Variants in CCDC83 observed in about 807,000 individuals in gnomAD.
The protein encoded by CCDC83 is coiled-coil domain-containing protein 83.
A neutral mutation model predicts 50.1 loss-of-function variants in CCDC83; 54 were observed. That is an observed-to-expected ratio of 1.08 (90% CI 0.87 to 1.35). The LOEUF is 1.35. Among genes scored for constraint, CCDC83 ranks in the 40% most tolerant of loss-of-function variants. The pLI is 0.00. For synonymous variants in CCDC83, 161 were observed against 153.3 expected, an observed-to-expected ratio of 1.05 and a Z score of -0.37; for missense variants, 518 against 473.9, an observed-to-expected ratio of 1.09 and a Z score of -0.86.
In CCDC83 at chr11:85,915,506, T is replaced by G; in HGVS notation, c.874+8T>G. On this transcript the variant is annotated splice_region_variant and intron_variant, in intron 9 of 10. Coordinates refer to ENST00000342404, the MANE Select transcript of CCDC83 (RefSeq NM_001286159.2). ...TGCCAGAAACACATATAGGTATTAC[T>G]TTATTGCAATAATGATGATGATTTT... 6.4e-7 allele frequency: 1 copy of G among 1,573,040 alleles called. No individual in the cohort carries two copies. The highest frequency in any genetic ancestry group is 8.7e-7 in the Non-Finnish European group (1 of 1,151,012).
chr11:85,866,519 C>A (rs945134304), intron 2 of CCDC83, among the ~76,000 whole-genome samples: 1 of 151,868 alleles, frequency 6.6e-6, no homozygotes, highest in Non-Finnish European at 1.5e-5. Flanking sequence ...CTCATCTTTA[C>A]AAAATAAAAA....
rs2093475866 is a variant in CCDC83 at position 85,916,071 on chromosome 11, C to T, written c.918C>T (p.Asp306=). The change falls in exon 10 of 11, where the codon GAC becomes GAT. Residue 306 remains aspartate (D), a synonymous_variant. Transcript: ENST00000342404. ...AACCCACAGAAGTAGAAAGTAGAGA[C>T]TTGATGTCCTCATCAGATGAGAGCA... is the stretch of plus-strand genomic sequence containing the variant. ...ELQPTEVESR[D]LMSSSDESTI... The T allele has an allele frequency of 6.2e-7, 1 of 1,613,132 alleles. No individual in the cohort carries two copies. Among genetic ancestry groups the T allele is most frequent in the African/African-American group, 1.3e-5 (1 of 75,006 alleles).
At chr11:85,912,226 T>C (rs2093457849) in intron 8 of CCDC83, among the ~76,000 whole-genome samples, 1 of 152,194 alleles carries the variant, frequency 6.6e-6, no homozygotes, top group Non-Finnish European at 1.5e-5. Context: ...GGAAAAACTT[T>C]CCACACAAGT....
chr11:85,898,382 G>C (rs2093385050), intron 6 of CCDC83, among the ~76,000 whole-genome samples: 1 of 152,062 alleles, frequency 6.6e-6, no homozygotes, highest in Non-Finnish European at 1.5e-5. Context: ...CTATGTAATT[G>C]AAAATAAATT....
chr11:85,865,748 C>T (rs1028555930), intron 2 of CCDC83, among the ~76,000 whole-genome samples: 27 of 152,084 alleles, frequency 1.8e-4, no homozygotes, highest in Non-Finnish European at 3.2e-4. Context: ...ATTAGTCGGG[C>T]ATGGTGGCGC....
At chr11:85,888,297 A>G (rs776900969) in intron 5 of CCDC83, among the ~76,000 whole-genome samples, 1 of 152,230 alleles carries the variant, frequency 6.6e-6, no homozygotes, top group Non-Finnish European at 1.5e-5. Flanking sequence ...ATCTTCAGCA[A>G]CAGGGGGTGG....
intron 6 of CCDC83, among the ~76,000 whole-genome samples, chr11:85,897,114 ATAGT>A (rs2093379341): frequency 6.6e-6 from 1 of 152,246 alleles, no homozygotes; most frequent in Non-Finnish European, 1.5e-5. Flanking sequence ...TAATCGGACC[ATAGT>A]TAGACGATTC....
At chr11:85,863,453 A>G (rs1178739538) in intron 1 of CCDC83, among the ~76,000 whole-genome samples, 1 of 152,226 alleles carries the variant, frequency 6.6e-6, no homozygotes, top group East Asian at 1.9e-4. Flanking sequence ...GTACTAATGT[A>G]TTAGATCTTT....
At chr11:85,891,993 C>G (rs531482665) in intron 5 of CCDC83, among the ~76,000 whole-genome samples, 18 of 152,166 alleles carry the variant, frequency 1.2e-4, no homozygotes, top group Admixed American at 2.0e-4. Flanking sequence ...AGTGTTTCTG[C>G]TAGCTCCTGT....
rs772485823 is a variant in CCDC83, at chr11:85,898,992, G to C, written c.649G>C (p.Glu217Gln). The C allele has an allele frequency of 3.7e-6, 6 of 1,611,614 alleles. No homozygotes were observed. The highest frequency in any genetic ancestry group is 1.7e-4 in the Middle Eastern group (1 of 6,038). ...IDKGSYLEIW[E>Q]NDWLKKEVAI... ...CAAGGGCAGTTATCTAGAGATCTGG[G>C]AGAATGACTGGCTCAAAAAAGAGGT... The change falls in exon 7 of 11, where the codon GAG becomes CAG. Residue 217 changes from glutamate (E) to glutamine (Q), a missense_variant. Coordinates refer to ENST00000342404, the MANE Select transcript of CCDC83 (RefSeq NM_001286159.2).
chr11:85,872,348 G>T (rs769855719), intron 2 of CCDC83, among the ~76,000 whole-genome samples: 1 of 152,146 alleles, frequency 6.6e-6, no homozygotes, highest in Non-Finnish European at 1.5e-5. Context: ...AGCCGGGTGT[G>T]GGGGCAGGCG....
At chr11:85,912,534 A>G in intron 8 of CCDC83, 1 of 705,062 alleles carries the variant, frequency 1.4e-6, no homozygotes, top group Non-Finnish European at 2.6e-6. Flanking sequence ...TTGATTACTG[A>G]ACTCCTGTAC....
At chr11:85,874,271 G>A (rs572248386) in intron 3 of CCDC83, among the ~76,000 whole-genome samples, 126 of 152,294 alleles carry the variant, frequency 8.3e-4, no homozygotes, top group Admixed American at 1.6e-3. Flanking sequence ...AGTTTGGCCT[G>A]GTGCCTGAAT....
chr11:85,879,987 CAT>C (rs2093290917), intron 3 of CCDC83, among the ~76,000 whole-genome samples: 2 of 152,190 alleles, frequency 1.3e-5, no homozygotes, highest in South Asian at 4.1e-4. Context: ...GTCTATACCA[CAT>C]AGTCTTGACT....
At chr11:85,875,921 T>C (rs1017746489) in intron 3 of CCDC83, among the ~76,000 whole-genome samples, 9 of 152,250 alleles carry the variant, frequency 5.9e-5, no homozygotes, top group African/African-American at 2.2e-4. Context: ...TCTACTTCCC[T>C]ACTCTCCATT....
At chr11:85,882,076 G>A (rs903119858) in intron 3 of CCDC83, among the ~76,000 whole-genome samples, 1 of 151,930 alleles carries the variant, frequency 6.6e-6, no homozygotes, top group Non-Finnish European at 1.5e-5. Flanking sequence ...CACTTTGAGA[G>A]GTCAAGGGAG....
At chr11:85,856,098 CCCTT>C (rs149062187) in intron 1 of CCDC83, among the ~76,000 whole-genome samples, 3,076 of 151,744 alleles carry the variant, frequency 0.02, 38 homozygotes, top group African/African-American at 0.034. Context: ...TTGCCTCACT[CCCTT>C]CCTTATCCCA....
intron 5 of CCDC83, among the ~76,000 whole-genome samples, chr11:85,889,214 G>A (rs2093340485): frequency 6.6e-6 from 1 of 152,228 alleles, no homozygotes; most frequent in Admixed American, 6.5e-5. Context: ...TTAGCTGGGT[G>A]TGGTGCCGCA....
At chr11:85,913,125 A>G (rs2093462593) in intron 8 of CCDC83, among the ~76,000 whole-genome samples, 1 of 152,186 alleles carries the variant, frequency 6.6e-6, no homozygotes, top group Non-Finnish European at 1.5e-5. Context: ...GAGTAATAGA[A>G]TGCTTAGTCT....
Sources: gnomAD v4.1 joint callset for allele counts (sites outside exome capture counted in the v4.1 genomes callset) on GRCh38, gnomAD v4.1.1 for gene constraint, MANE v1.5 for transcripts, NCBI Gene and HGNC (gene_info 2026-07-23, HGNC 2026-07-21) for gene names.